COP1: variants seen among roughly 807,000 people sequenced by gnomAD.
COP1 encodes the protein COP1 E3 ubiquitin ligase.
In COP1, 24 loss-of-function variants were observed where a neutral mutation model predicts 101.3. That is an observed-to-expected ratio of 0.24 (90% CI 0.17 to 0.33). COP1 has a LOEUF of 0.33. Ranked by LOEUF, COP1 falls within the 10% of genes least tolerant of loss-of-function variation. The pLI, the probability that COP1 is intolerant of heterozygous loss-of-function variation, is 1.00. For synonymous variants in COP1, 347 were observed against 341.9 expected, an observed-to-expected ratio of 1.01 and a Z score of -0.17; for missense variants, 663 against 906.2, an observed-to-expected ratio of 0.73 and a Z score of 3.45.
At chr1:176,027,042 A>C (rs1667787767) in intron 15 of COP1, among the ~76,000 whole-genome samples, 1 of 152,148 alleles carries the variant, frequency 6.6e-6, no homozygotes, top group Admixed American at 6.5e-5. Flanking sequence ...AGTTAAGAAA[A>C]ATAATTTACC....
In COP1 at chr1:176,023,400, A is replaced by C. The variant is rs114894069; in HGVS notation, c.1729+4172T>G. On this transcript the variant is annotated intron_variant, in intron 15 of 19. Transcript: ENST00000367669. ...CAACTTTATGCCAATAAATTAGAAA[A>C]CTTAGAAAATATGAATTCACCTAGA... Among the ~76,000 whole-genome samples the C allele has an allele frequency of 5.9e-3, 899 of 152,338 alleles. 12 individuals are homozygous for C. Among genetic ancestry groups the C allele is most frequent in the African/African-American group, 0.021 (862 of 41,572 alleles).
chr1:176,077,042 C>G (rs1678172237), intron 11 of COP1, among the ~76,000 whole-genome samples: 1 of 152,116 alleles, frequency 6.6e-6, no homozygotes, highest in Non-Finnish European at 1.5e-5. Flanking sequence ...CAGACAAGTT[C>G]TAATAGAGGT....
chr1:176,123,081 A>G (rs1481842438), intron 8 of COP1, among the ~76,000 whole-genome samples: 10 of 152,240 alleles, frequency 6.6e-5, no homozygotes, highest in Non-Finnish European at 1.3e-4. Flanking sequence ...GTTGGAGTAG[A>G]TTACAATTTA....
At position 176,058,072 on chromosome 1, in the gene COP1, C is replaced by T. The variant is rs563912424; in HGVS notation, c.1278-11748G>A. 7.7e-3 allele frequency among the ~76,000 whole-genome samples: 922 copies of T among 119,952 alleles called. 9 individuals carry two copies. Among genetic ancestry groups the T allele is most frequent in the African/African-American group, 0.024 (871 of 35,662 alleles). The allele number at this position is 119,952 out of a possible 152,430, so 78.7% of individuals were successfully genotyped here. A position where few individuals can be genotyped will look rare whatever the true frequency, so the allele number is the denominator to read the frequency against. On this transcript the variant is annotated intron_variant, in intron 11 of 19. Coordinates refer to ENST00000367669, the MANE Select transcript of COP1 (RefSeq NM_022457.7). Reference sequence around the variant, plus strand: ...CCCTCCGCCCGGCAGCCGCCCCGGCCGGGAGGGAGGTGGGGAGGTCAGCCC... The same window carrying T: ...CCCTCCGCCCGGCAGCCGCCCCGGCTGGGAGGGAGGTGGGGAGGTCAGCCC...
chr1:176,081,884 C>T (rs186925792), intron 10 of COP1, among the ~76,000 whole-genome samples: 56 of 152,248 alleles, frequency 3.7e-4, no homozygotes, highest in Admixed American at 2.6e-4. Context: ...TCCTTTTTAT[C>T]TCAAAGTGCC....
chr1:176,204,816 TA>T (rs1700657220), intron 1 of COP1, among the ~76,000 whole-genome samples: 1 of 152,122 alleles, frequency 6.6e-6, no homozygotes, highest in Non-Finnish European at 1.5e-5. Flanking sequence ...TCCCAGCTAC[TA>T]CTCGGGAGGC....
intron 12 of COP1, among the ~76,000 whole-genome samples, chr1:176,044,123 A>C (rs565018116): frequency 1.4e-4 from 21 of 152,324 alleles, no homozygotes; most frequent in Non-Finnish European, 2.6e-4. Context: ...CTATCAGTGA[A>C]GGTGATACTA....
At chr1:176,075,786 A>G (rs997276780) in intron 11 of COP1, among the ~76,000 whole-genome samples, 1 of 151,892 alleles carries the variant, frequency 6.6e-6, no homozygotes, top group African/African-American at 2.4e-5. Flanking sequence ...AGGTGGATCA[A>G]GAGGTCAGGA....
chr1:176,051,483 T>C (rs1250475060), intron 11 of COP1, among the ~76,000 whole-genome samples: 1 of 152,220 alleles, frequency 6.6e-6, no homozygotes, highest in Non-Finnish European at 1.5e-5. Context: ...ACAATTAATG[T>C]ACAGTACATA....
At position 176,147,243 on chromosome 1, in the gene COP1, T is replaced by C. The variant is rs1256512240; in HGVS notation, c.831+1763A>G. On this transcript the variant is annotated intron_variant, in intron 6 of 19. Coordinates refer to ENST00000367669, the MANE Select transcript of COP1 (RefSeq NM_022457.7). The stretch of plus-strand genomic sequence containing the variant: ...TAGACTTACATGGAAGAAGAAAATA[T>C]AACCACTCACTTCAATCTGTCTGCA... Among the ~76,000 whole-genome samples, 3 of 152,170 alleles carry C rather than the reference T, an allele frequency of 2.0e-5. No individual in the cohort carries two copies. In the East Asian group the frequency reaches 5.8e-4, roughly 29 times the overall value.
intron 5 of COP1, among the ~76,000 whole-genome samples, chr1:176,152,630 T>C (rs1692805007): frequency 6.6e-6 from 1 of 152,118 alleles, no homozygotes; most frequent in African/African-American, 2.4e-5. Context: ...GTATTTTTAG[T>C]AGAAACTGGG....
chr1:176,043,319 G>A, intron 13 of COP1, 52 bp from the exon 14 acceptor site: 1 of 1,082,356 alleles, frequency 9.2e-7, no homozygotes, highest in Non-Finnish European at 1.4e-6. Flanking sequence ...ATCTCAAAAT[G>A]AATAAAGCAA....
chr1:176,100,428 T>A (rs1011051981), intron 9 of COP1: 1 of 151,560 alleles, frequency 6.6e-6, no homozygotes, highest in East Asian at 1.9e-4. Context: ...AGAGATAAAT[T>A]ATATTTCAAG....
At chr1:176,080,006 T>A (rs1678809568) in intron 11 of COP1, among the ~76,000 whole-genome samples, 1 of 150,630 alleles carries the variant, frequency 6.6e-6, no homozygotes, top group Non-Finnish European at 1.5e-5. Context: ...AAAAAAAAAA[T>A]CAGTAACAGA....
intron 5 of COP1, among the ~76,000 whole-genome samples, chr1:176,155,380 A>G (rs1055310781): frequency 6.6e-5 from 10 of 151,996 alleles, no homozygotes; most frequent in African/African-American, 2.4e-4. Flanking sequence ...TGAAATTAAG[A>G]GCAAAGCAGA....
chr1:176,151,701 A>T (rs1692621378), intron 5 of COP1, among the ~76,000 whole-genome samples: 1 of 152,234 alleles, frequency 6.6e-6, no homozygotes, highest in South Asian at 2.1e-4. Flanking sequence ...TGAACTGCCT[A>T]TTAAACTCTT....
At chr1:176,006,167 C>T (rs533184109) in intron 15 of COP1, among the ~76,000 whole-genome samples, 29 of 152,144 alleles carry the variant, frequency 1.9e-4, no homozygotes, top group Admixed American at 4.6e-4. Flanking sequence ...ACTAGGATTG[C>T]AACCCCTGCC....
chr1:176,045,047 G>T, intron 12 of COP1, among the ~76,000 whole-genome samples: 1 of 152,232 alleles, frequency 6.6e-6, no homozygotes, highest in South Asian at 2.1e-4. Flanking sequence ...AAATGTTTAA[G>T]GGCACAGACT....
chr1:176,081,052 A>G, intron 11 of COP1, 100 bp downstream of exon 11: 1 of 1,087,188 alleles, frequency 9.2e-7, no homozygotes, highest in South Asian at 1.5e-5. Flanking sequence ...AGGCTACTTC[A>G]GAACCCACGC....
Sources: gnomAD v4.1 joint callset for allele counts (sites outside exome capture counted in the v4.1 genomes callset) on GRCh38, gnomAD v4.1.1 for gene constraint, MANE v1.5 for transcripts, NCBI Gene and HGNC (gene_info 2026-07-23, HGNC 2026-07-21) for gene names.